Variants in DDIAS observed in about 807,000 individuals in gnomAD.
DDIAS encodes DNA damage-induced apoptosis suppressor protein.
In DDIAS, 14 loss-of-function variants were observed where a neutral mutation model predicts 15.7. The observed-to-expected ratio is 0.89, with a 90% CI of 0.59 to 1.39. DDIAS has a LOEUF of 1.39. Ranked by LOEUF, DDIAS falls within the 40% of genes most tolerant of loss-of-function variation. DDIAS has a pLI of 0.00. For missense variants in DDIAS, 1,035 were observed against 1,130.9 expected, an observed-to-expected ratio of 0.92 and a Z score of 1.22; for synonymous variants, 355 against 395.9, an observed-to-expected ratio of 0.90 and a Z score of 1.23.
chr11:82,929,521 G>T (rs747066725), intron 4 of DDIAS, among the ~76,000 whole-genome samples: 1 of 152,064 alleles, frequency 6.6e-6, no homozygotes, highest in Non-Finnish European at 1.5e-5. Flanking sequence ...GGCTAACACG[G>T]TGAAACCCCA....
At chr11:82,918,668 T>C (rs916334764) in intron 3 of DDIAS, among the ~76,000 whole-genome samples, 3 of 152,234 alleles carry the variant, frequency 2.0e-5, no homozygotes, top group African/African-American at 7.2e-5. Flanking sequence ...GGCAGCATGG[T>C]CATTTTCACA....
At position 82,914,800 on chromosome 11, in the gene DDIAS, T is replaced by A. The variant is rs746987452; in HGVS notation, c.62T>A (p.Ile21Lys). Residue 21 changes from isoleucine to lysine, a missense_variant, in exon 3 of 6, where the codon ATA becomes AAA. Coordinates refer to ENST00000533655, the MANE Select transcript of DDIAS (RefSeq NM_145018.4). ...CTTGCTCTCCAGAATTCAAGTTTTA[T>A]ATATCCATCATGTCAGAAGTGCTTC... Reference protein sequence around the residue: ...SVLALQNSSFIYPSCQKCFSR... With the variant: ...SVLALQNSSFKYPSCQKCFSR... 3.7e-6 allele frequency: 6 copies of A among 1,611,458 alleles called. No individual in the cohort carries two copies. The East Asian group carries it at 1.3e-4, about 36-fold the overall frequency.
intron 3 of DDIAS, among the ~76,000 whole-genome samples, chr11:82,926,088 A>ATTTTTTT (rs71063242): frequency 2.5e-4 from 34 of 133,990 alleles, no homozygotes; most frequent in African/African-American, 4.3e-4. Flanking sequence ...TTGGCAAGTA[A>ATTTTTTT]TTTTTTTTTT....
At chr11:82,910,396 G>A (rs1860506458) in intron 1 of DDIAS, among the ~76,000 whole-genome samples, 1 of 149,430 alleles carries the variant, frequency 6.7e-6, no homozygotes, top group Non-Finnish European at 1.5e-5. Context: ...TTCTGCCTCA[G>A]TATCCTGAGT....
At chr11:82,923,458 G>A (rs751371823) in intron 3 of DDIAS, among the ~76,000 whole-genome samples, 46 of 152,360 alleles carry the variant, frequency 3.0e-4, no homozygotes, top group Middle Eastern at 3.4e-3. Flanking sequence ...CTGAAGAACA[G>A]AGAGACGTCC....
intron 3 of DDIAS, among the ~76,000 whole-genome samples, chr11:82,922,954 T>C (rs910575954): frequency 4.6e-5 from 7 of 152,188 alleles, no homozygotes; most frequent in African/African-American, 1.4e-4. Flanking sequence ...GTGATTGTTA[T>C]CTCTCTTCTG....
chr11:82,929,114 A>T (rs1411364163), intron 4 of DDIAS, among the ~76,000 whole-genome samples, 176 bp downstream of exon 4: 3 of 152,254 alleles, frequency 2.0e-5, no homozygotes, highest in African/African-American at 7.2e-5. Flanking sequence ...TTATGATGAT[A>T]TTAAAACAGT....
chr11:82,931,292 C>T (rs1454793724), intron 5 of DDIAS, among the ~76,000 whole-genome samples: 2 of 152,054 alleles, frequency 1.3e-5, no homozygotes, highest in Non-Finnish European at 2.9e-5. Context: ...CTAACAGAAT[C>T]GAAATTGGAA....
intron 3 of DDIAS, among the ~76,000 whole-genome samples, chr11:82,915,597 C>A (rs1860616414): frequency 6.6e-6 from 1 of 152,184 alleles, no homozygotes; most frequent in Non-Finnish European, 1.5e-5. Context: ...GTAGTTATCA[C>A]ACTGTTCCTT....
rs776110588 is a variant in DDIAS, at chr11:82,933,434, A to C, written c.2096A>C (p.Asp699Ala). 1 of 1,613,948 alleles carries C rather than the reference A, an allele frequency of 6.2e-7. No homozygotes were observed. Among genetic ancestry groups the C allele is most frequent in the South Asian group, 1.1e-5 (1 of 91,052 alleles). The change falls in exon 6 of 6, where the codon GAT becomes GCT. Residue 699 changes from aspartate to alanine, a missense_variant. Coordinates refer to ENST00000533655, the MANE Select transcript of DDIAS (RefSeq NM_145018.4). ...ACTGAGATTACCAAAAAATCACAGG[A>C]TATTTTGTTAAAATGGGGAACATCT... ...IATEITKKSQ[D>A]ILLKWGTSLA...
At chr11:82,906,485 C>T (rs1247223523) in intron 1 of DDIAS, among the ~76,000 whole-genome samples, 1 of 152,068 alleles carries the variant, frequency 6.6e-6, no homozygotes, top group Non-Finnish European at 1.5e-5. Flanking sequence ...TTAAGTTTTT[C>T]ATTTATTAGT....
intron 1 of DDIAS, among the ~76,000 whole-genome samples, chr11:82,904,874 C>T (rs914865569): frequency 3.9e-5 from 6 of 152,166 alleles, no homozygotes; most frequent in African/African-American, 1.4e-4. Context: ...AGTTGATTCA[C>T]CAAACAGCTC....
intron 1 of DDIAS, among the ~76,000 whole-genome samples, chr11:82,907,187 T>C (rs1386331297): frequency 6.6e-6 from 1 of 152,108 alleles, no homozygotes; most frequent in Non-Finnish European, 1.5e-5. Context: ...AGCAAAGGCA[T>C]AGAAATGTGA....
chr11:82,928,175 C>CCCTTTTTTTTT (rs1860904010), intron 3 of DDIAS, among the ~76,000 whole-genome samples: 1 of 60,386 alleles, frequency 1.7e-5, no homozygotes, highest in Admixed American at 1.8e-4. Flanking sequence ...ATTTTTTGTC[C>CCCTTTTTTTTT]TCTTTTTTTT....
intron 1 of DDIAS, among the ~76,000 whole-genome samples, chr11:82,911,161 G>A (rs1237439611): frequency 5.3e-5 from 8 of 152,170 alleles, no homozygotes; most frequent in Non-Finnish European, 1.0e-4. Context: ...ACTGCTTGGG[G>A]TGGTGGTTGC....
intron 1 of DDIAS, among the ~76,000 whole-genome samples, chr11:82,909,629 C>T (rs7947363): frequency 0.47 from 71,695 of 152,038 alleles, 17,097 homozygotes; most frequent in African/African-American, 0.53. Flanking sequence ...TTAGCACTTA[C>T]AATGGCAATT....
At chr11:82,921,961 T>C (rs918280093) in intron 3 of DDIAS, among the ~76,000 whole-genome samples, 13 of 152,236 alleles carry the variant, frequency 8.5e-5, no homozygotes, top group African/African-American at 3.1e-4. Flanking sequence ...CTTTCCTTCA[T>C]ATATGATGTT....
intron 3 of DDIAS, among the ~76,000 whole-genome samples, chr11:82,927,593 C>G (rs1428331360): frequency 6.6e-6 from 1 of 151,708 alleles, no homozygotes; most frequent in East Asian, 1.9e-4. Context: ...TAGTATTAGC[C>G]ATTACCATAA....
At position 82,930,156 on chromosome 11, in the gene DDIAS, G is replaced by A; in HGVS notation, c.276-1G>A. 6.6e-7 allele frequency: 1 copy of A among 1,517,494 alleles called. No homozygotes were observed. Among genetic ancestry groups the A allele is most frequent in the Non-Finnish European group, 9.0e-7 (1 of 1,112,730 alleles). The allele number at this position is 1,517,494 out of a possible 1,614,324, so 94.0% of individuals were successfully genotyped here. A position where few individuals can be genotyped will look rare whatever the true frequency, so the allele number is the denominator to read the frequency against. On this transcript the variant is annotated splice_acceptor_variant, in intron 4 of 5. Transcript: ENST00000533655. LOFTEE classifies it high-confidence loss of function. ...CATTTTTTACTTTTTTTCCAATCAA[G>A]GTACATTCAGGATCCTAATAAAATT...
Sources: gnomAD v4.1 joint callset for allele counts (sites outside exome capture counted in the v4.1 genomes callset) on GRCh38, gnomAD v4.1.1 for gene constraint, MANE v1.5 for transcripts, NCBI Gene and HGNC (gene_info 2026-07-23, HGNC 2026-07-21) for gene names.